The following PLEKHA5 variants were observed in gnomAD, a reference collection of about 807,000 sequenced individuals.
PLEKHA5 encodes the protein pleckstrin homology domain-containing family A member 5.
Under a neutral mutation model 181.9 loss-of-function variants are expected in PLEKHA5, and 55 were observed. That is an observed-to-expected ratio of 0.30 (90% CI 0.24 to 0.38). The LOEUF (loss-of-function observed/expected upper bound fraction) is 0.38. Among genes scored for constraint, PLEKHA5 ranks in the 10% least tolerant of loss-of-function variants. PLEKHA5 has a pLI of 1.00. For missense variants in PLEKHA5, 1,432 were observed against 1,549.5 expected (o/e 0.92, Z 1.27); for synonymous variants, 535 against 529.4 (o/e 1.01, Z -0.15).
At chr12:19,279,268 A>G (rs935839460) in intron 11 of PLEKHA5, among the ~76,000 whole-genome samples, 4 of 152,152 alleles carry the variant, frequency 2.6e-5, no homozygotes, top group Non-Finnish European at 4.4e-5. Context: ...AAAAAATCAA[A>G]AAGTTTAGGG....
chr12:19,305,861 CAAAAAAAAAAAA>C lies in PLEKHA5; in HGVS notation c.2038-8941_2038-8930del, dbSNP rs376068601. 6.3e-4 allele frequency among the ~76,000 whole-genome samples: 24 copies of C among 37,906 alleles called. 1 individual carries two copies. The highest frequency in any genetic ancestry group is 9.8e-4 in the Non-Finnish European group (19 of 19,476). The allele number at this position is 37,906 out of a possible 152,430, so 24.9% of individuals were successfully genotyped here. ...GGGCAACAACAGCAAAACTCCATCT[CAAAAAAAAAAAA>C]AAAAAAAAAAACAACTATGAAGACT... On this transcript the variant is annotated intron_variant, in intron 15 of 31. Transcript: ENST00000429027.
chr12:19,367,374 G>A lies in PLEKHA5; in HGVS notation c.3754+1265G>A, dbSNP rs531232896. ...AGGTTCAAGCGATTCTCCTGCCTCA[G>A]CCTCCCAAGTAGCTGGGATTATAGG... On this transcript the variant is annotated intron_variant, in intron 30 of 31. Transcript: ENST00000429027. 2.9e-5 allele frequency among the ~76,000 whole-genome samples: 4 copies of A among 140,036 alleles called. No individual in the cohort carries two copies. In the East Asian group the frequency reaches 8.7e-4, roughly 31 times the overall value. The allele number at this position is 140,036 out of a possible 152,430, so 91.9% of individuals were successfully genotyped here. A position where few individuals can be genotyped will look rare whatever the true frequency, so the allele number is the denominator to read the frequency against.
chr12:19,255,331 A>T (rs2066573562), intron 5 of PLEKHA5, among the ~76,000 whole-genome samples, 166 bp downstream of exon 5: 2 of 152,148 alleles, frequency 1.3e-5, no homozygotes, highest in Admixed American at 1.3e-4. Context: ...AAGTAATAAG[A>T]TTGTAATTCA....
chr12:19,164,436 C>G (rs1340575628), intron 3 of PLEKHA5, among the ~76,000 whole-genome samples: 5 of 152,106 alleles, frequency 3.3e-5, no homozygotes, highest in African/African-American at 1.2e-4. Flanking sequence ...CCCAAGTGAT[C>G]CACTCACCTC....
chr12:19,347,259 C>T, intron 24 of PLEKHA5, 77 bp downstream of exon 24: 1 of 867,806 alleles, frequency 1.2e-6, no homozygotes, highest in Non-Finnish European at 1.7e-6. Context: ...ATTTTACACT[C>T]AAACTTTTTT....
intron 3 of PLEKHA5, among the ~76,000 whole-genome samples, chr12:19,143,220 C>G (rs754362513): frequency 6.6e-6 from 1 of 152,184 alleles, no homozygotes; most frequent in African/African-American, 2.4e-5. Context: ...TCCATAATGG[C>G]TGCACTAATT....
intron 3 of PLEKHA5, among the ~76,000 whole-genome samples, chr12:19,230,455 G>A (rs887688369): frequency 2.0e-5 from 3 of 152,182 alleles, no homozygotes; most frequent in Non-Finnish European, 2.9e-5. Flanking sequence ...AACCCATGGC[G>A]GAGGGGAGGC....
At chr12:19,218,560 T>C (rs1014876754) in intron 3 of PLEKHA5, among the ~76,000 whole-genome samples, 1 of 152,182 alleles carries the variant, frequency 6.6e-6, no homozygotes, top group African/African-American at 2.4e-5. Context: ...TAGTCTGTAT[T>C]TATAAATTCA....
chr12:19,256,412 T>C (rs1034823950), intron 5 of PLEKHA5, among the ~76,000 whole-genome samples: 3 of 152,208 alleles, frequency 2.0e-5, no homozygotes, highest in African/African-American at 7.2e-5. Flanking sequence ...TTATTTTAGA[T>C]AGATAGGCAC....
At chr12:19,362,272 G>A (rs1283392791) in intron 29 of PLEKHA5, among the ~76,000 whole-genome samples, 1 of 151,494 alleles carries the variant, frequency 6.6e-6, no homozygotes, top group African/African-American at 2.4e-5. Context: ...AGTGGCTTAT[G>A]CCTGTAATCC....
chr12:19,221,022 A>G (rs1384783699), intron 3 of PLEKHA5, among the ~76,000 whole-genome samples: 1 of 152,210 alleles, frequency 6.6e-6, no homozygotes, highest in African/African-American at 2.4e-5. Context: ...TGCTGGCAAG[A>G]TTGTGAATCA....
intron 26 of PLEKHA5, 29 bp from the exon 27 acceptor site, chr12:19,358,199 G>T (rs1329341935): frequency 2.1e-6 from 3 of 1,442,080 alleles, no homozygotes; most frequent in African/African-American, 2.8e-5. Context: ...TTTCATTTAT[G>T]TATTGATATG....
In PLEKHA5 at chr12:19,320,074, T is replaced by TATAA; in HGVS notation, c.2154+18_2154+19insATAA. ...TATATTGTGTATGTGTGTTTATATA[T>TATAA]TATATATATGTATACAATATGTTAT... On this transcript the variant is annotated intron_variant, in intron 17 of 31. Coordinates refer to ENST00000429027, the MANE Select transcript of PLEKHA5 (RefSeq NM_001256470.2). 1 of 892,000 alleles carries TATAA rather than the reference T, an allele frequency of 1.1e-6. No individual in the cohort carries two copies. Among genetic ancestry groups the TATAA allele is most frequent in the Non-Finnish European group, 1.7e-6 (1 of 590,272 alleles). 55.3% of individuals were successfully genotyped at this position (892,000 alleles called of 1,614,324 possible).
At position 19,242,243 on chromosome 12, in the gene PLEKHA5, G is replaced by GTT. The variant is rs57098753; in HGVS notation, c.228-11690_228-11689dup. On this transcript the variant is annotated intron_variant, in intron 3 of 31. Transcript: ENST00000429027. ...TAAATTCCTTTTTTTGTTTTTTTTT[G>GTT]TTTTTTTTGTTTTGAGACAGAGTCT... Among the ~76,000 whole-genome samples, 895 of 149,894 alleles carry GTT rather than the reference G, an allele frequency of 6.0e-3. 7 individuals are homozygous for GTT. Among genetic ancestry groups the GTT allele is most frequent in the Non-Finnish European group, 9.5e-3 (642 of 67,562 alleles).
At chr12:19,240,207 C>G (rs1314467610) in intron 3 of PLEKHA5, among the ~76,000 whole-genome samples, 1 of 151,996 alleles carries the variant, frequency 6.6e-6, no homozygotes, top group African/African-American at 2.4e-5. Context: ...TTTGACTCTA[C>G]TGGAAAGAAT....
In PLEKHA5 at chr12:19,298,408, C is replaced by CTTTT. The variant is rs533661916; in HGVS notation, c.2037+6729_2037+6732dup. The stretch of plus-strand genomic sequence containing the variant: ...GCAGTAATCTGTCCTATTTTTTTAG[C>CTTTT]TTTTTTTTTTTTTTTTTTTTTGTAA... On this transcript the variant is annotated intron_variant, in intron 15 of 31. Coordinates refer to ENST00000429027, the MANE Select transcript of PLEKHA5 (RefSeq NM_001256470.2). 2.5e-3 allele frequency among the ~76,000 whole-genome samples: 261 copies of CTTTT among 106,310 alleles called. 4 individuals are homozygous for CTTTT. The highest frequency in any genetic ancestry group is 0.022 in the East Asian group (80 of 3,628). 69.7% of individuals were successfully genotyped at this position (106,310 alleles called of 152,430 possible). A position where few individuals can be genotyped will look rare whatever the true frequency, so the allele number is the denominator to read the frequency against.
At chr12:19,226,261 A>G (rs970679121) in intron 3 of PLEKHA5, among the ~76,000 whole-genome samples, 2 of 152,164 alleles carry the variant, frequency 1.3e-5, no homozygotes, top group Non-Finnish European at 1.5e-5. Context: ...TGTAGCATGT[A>G]TCAGTACATC....
intron 30 of PLEKHA5, among the ~76,000 whole-genome samples, chr12:19,367,964 A>G (rs1407752878): frequency 1.2e-4 from 18 of 152,118 alleles, no homozygotes. Flanking sequence ...TTTGCAGAAG[A>G]GTAAGAAACA....
chr12:19,165,066 C>T (rs1192823825), intron 3 of PLEKHA5, among the ~76,000 whole-genome samples: 1 of 152,060 alleles, frequency 6.6e-6, no homozygotes, highest in African/African-American at 2.4e-5. Context: ...AAAAATACCC[C>T]GTTCTGTCCT....
Sources: gnomAD v4.1 joint callset for allele counts (sites outside exome capture counted in the v4.1 genomes callset) on GRCh38, gnomAD v4.1.1 for gene constraint, MANE v1.5 for transcripts, NCBI Gene and HGNC (gene_info 2026-07-23, HGNC 2026-07-21) for gene names.